The following MBOAT1 variants were observed in gnomAD, a reference collection of about 807,000 sequenced individuals.
MBOAT1 encodes membrane-bound glycerophospholipid O-acyltransferase 1.
In MBOAT1, 67 loss-of-function variants were observed where a neutral mutation model predicts 64.4. The observed-to-expected ratio is 1.04, with a 90% CI of 0.85 to 1.27. MBOAT1 has a LOEUF of 1.27. MBOAT1 is among the 50% of genes most tolerant of loss of function. MBOAT1 has a pLI of 0.00. For synonymous variants in MBOAT1, 229 were observed against 218.9 expected, an observed-to-expected ratio of 1.05 and a Z score of -0.41; for missense variants, 563 against 604.6, an observed-to-expected ratio of 0.93 and a Z score of 0.72.
intron 4 of MBOAT1, 30 bp from the exon 5 acceptor site, chr6:20,131,229 T>A: frequency 6.2e-7 from 1 of 1,600,694 alleles, no homozygotes; most frequent in Non-Finnish European, 8.6e-7. Flanking sequence ...TAATCAAGAT[T>A]GGCAAGAAGG....
chr6:20,159,366 T>C (rs1220066284), intron 1 of MBOAT1, among the ~76,000 whole-genome samples: 1 of 152,110 alleles, frequency 6.6e-6, no homozygotes, highest in African/African-American at 2.4e-5. Flanking sequence ...ATAGCCAAGA[T>C]ATGGAAGCAA....
intron 1 of MBOAT1, among the ~76,000 whole-genome samples, chr6:20,170,880 G>A (rs1762169111): frequency 6.8e-6 from 1 of 146,296 alleles, no homozygotes; most frequent in Admixed American, 7.1e-5. Flanking sequence ...CATATATTAG[G>A]GTCTCAATAT....
chr6:20,165,615 C>T (rs7760747), intron 1 of MBOAT1, among the ~76,000 whole-genome samples: 12,696 of 152,050 alleles, frequency 0.083, 535 homozygotes, highest in South Asian at 0.098. Context: ...TGGTGGCACA[C>T]ACCTGTAATC....
rs1761944563 is a variant in MBOAT1 at position 20,164,157 on chromosome 6, T to C, written c.100-11388A>G. 2.1e-5 allele frequency among the ~76,000 whole-genome samples: 3 copies of C among 145,124 alleles called. No homozygotes were observed. The Admixed American group carries it at 2.2e-4, about 11-fold the overall frequency. On this transcript the variant is annotated intron_variant, in intron 1 of 12. Transcript: ENST00000324607. ...ATAATACAAATATATGTATTTAATA[T>C]AGAATGTATGTGCATGTACACACAC... is the stretch of plus-strand genomic sequence containing the variant.
chr6:20,131,092 C>G, intron 5 of MBOAT1, 52 bp downstream of exon 5: 1 of 1,464,324 alleles, frequency 6.8e-7, no homozygotes, highest in Non-Finnish European at 9.6e-7. Context: ...AAAAGAAGAG[C>G]TCTGCATGTC....
intron 4 of MBOAT1, among the ~76,000 whole-genome samples, chr6:20,136,699 C>G (rs1341411316): frequency 6.6e-6 from 1 of 152,218 alleles, no homozygotes; most frequent in Non-Finnish European, 1.5e-5. Context: ...GGAACACAAA[C>G]AGCAGTTGTT....
At position 20,131,151 on chromosome 6, in the gene MBOAT1, A is replaced by AATACTTAAGTT. The variant is rs772347315; in HGVS notation, c.467_468insAACTTAAGTAT (p.His157ThrfsTer2). On this transcript the variant is annotated stop_gained and frameshift_variant, in exon 5 of 13. Coordinates refer to ENST00000324607, the MANE Select transcript of MBOAT1 (RefSeq NM_001080480.3). LOFTEE classifies it high-confidence loss of function. ...GAGGGCTGCTGTTCTTACCATCATG[A>AATACTTAAGTT]ACCTGGAATGCCAAGGTTGTGATCT... 1.2e-6 allele frequency: 2 copies of AATACTTAAGTT among 1,613,778 alleles called. No homozygotes were observed. Among genetic ancestry groups the AATACTTAAGTT allele is most frequent in the Non-Finnish European group, 1.7e-6 (2 of 1,179,794 alleles).
rs1759793108 is a variant in MBOAT1 at position 20,101,747 on chromosome 6, C to T, written c.*539G>A. Among the ~76,000 whole-genome samples, 1 of 152,164 alleles carries T rather than the reference C, an allele frequency of 6.6e-6. No individual in the cohort carries two copies. Among genetic ancestry groups the T allele is most frequent in the Non-Finnish European group, 1.5e-5 (1 of 68,030 alleles). On this transcript the variant is annotated 3_prime_UTR_variant, in exon 13 of 13. Transcript: ENST00000324607. ...GGCACATTCTCTACACATCGCCACA[C>T]CACTCAAATGTCCTATAAAATATCA...
At chr6:20,172,244 C>A (rs559737078) in intron 1 of MBOAT1, among the ~76,000 whole-genome samples, 2 of 151,922 alleles carry the variant, frequency 1.3e-5, no homozygotes, top group Non-Finnish European at 2.9e-5. Context: ...ACCAGCCTGG[C>A]CAACATGGCA....
At chr6:20,199,800 T>A (rs950933622) in intron 1 of MBOAT1, among the ~76,000 whole-genome samples, 5 of 152,098 alleles carry the variant, frequency 3.3e-5, no homozygotes, top group African/African-American at 1.2e-4. Context: ...AAACCCTGTC[T>A]CTACTAAAAA....
chr6:20,152,052 G>A (rs1016336377), intron 2 of MBOAT1, among the ~76,000 whole-genome samples: 6 of 152,158 alleles, frequency 3.9e-5, no homozygotes, highest in African/African-American at 1.4e-4. Context: ...TGGGGATGGT[G>A]GCTCATGCCT....
At chr6:20,140,030 C>G (rs933280915) in intron 4 of MBOAT1, among the ~76,000 whole-genome samples, 1 of 152,180 alleles carries the variant, frequency 6.6e-6, no homozygotes, top group African/African-American at 2.4e-5. Flanking sequence ...GAGTGCAGAT[C>G]TGCTGAAGGA....
At chr6:20,127,669 C>T (rs1293762221) in intron 6 of MBOAT1, among the ~76,000 whole-genome samples, 1 of 152,172 alleles carries the variant, frequency 6.6e-6, no homozygotes, top group East Asian at 1.9e-4. Context: ...TGTTCCCCAA[C>T]ACCCCCAGAT....
intron 1 of MBOAT1, among the ~76,000 whole-genome samples, chr6:20,195,828 A>T (rs1581462761): frequency 1.3e-5 from 2 of 152,200 alleles, no homozygotes; most frequent in Admixed American, 1.3e-4. Flanking sequence ...AGAGACAAGC[A>T]CGCCTGGAGC....
chr6:20,166,152 C>G (rs755460616), intron 1 of MBOAT1, among the ~76,000 whole-genome samples: 1 of 152,082 alleles, frequency 6.6e-6, no homozygotes, highest in Non-Finnish European at 1.5e-5. Context: ...TTCTCCTTTA[C>G]TTTATCATAA....
intron 1 of MBOAT1, among the ~76,000 whole-genome samples, chr6:20,179,558 G>C (rs976638148): frequency 5.3e-5 from 8 of 152,102 alleles, no homozygotes; most frequent in African/African-American, 1.9e-4. Context: ...AGTCTATCCA[G>C]TCAACCTAAA....
intron 4 of MBOAT1, among the ~76,000 whole-genome samples, chr6:20,135,458 C>G (rs924725215): frequency 1.3e-5 from 2 of 152,136 alleles, no homozygotes; most frequent in Admixed American, 1.3e-4. Context: ...CCAACATCAG[C>G]TCCTAACCAA....
In MBOAT1 at chr6:20,132,774, A is replaced by C. The variant is rs1483765848; in HGVS notation, c.420-1575T>G. On this transcript the variant is annotated intron_variant, in intron 4 of 12. Coordinates refer to ENST00000324607, the MANE Select transcript of MBOAT1 (RefSeq NM_001080480.3). ...AGGACACACATCACCCAAGAAAGTG[A>C]AAAGATATTTCAAGGAATGCAAGAA... Among the ~76,000 whole-genome samples, 3 of 152,258 alleles carry C rather than the reference A, an allele frequency of 2.0e-5. No homozygotes were observed. In the East Asian group the frequency reaches 5.8e-4, roughly 29 times the overall value.
chr6:20,142,058 G>A (rs1367171832), intron 4 of MBOAT1, among the ~76,000 whole-genome samples: 2 of 145,004 alleles, frequency 1.4e-5, no homozygotes, highest in African/African-American at 4.9e-5. Context: ...TTGCAGAAAT[G>A]AATAGATGCT....
Sources: allele counts gnomAD v4.1 joint callset (sites outside exome capture counted in the v4.1 genomes callset), GRCh38; gene constraint gnomAD v4.1.1; transcripts MANE v1.5; gene names NCBI Gene and HGNC (gene_info 2026-07-23, HGNC 2026-07-21).